The following HOXB3 variants were observed in gnomAD, a reference collection of about 807,000 sequenced individuals.
The protein encoded by HOXB3 is homeobox B3.
A neutral mutation model predicts 29.2 loss-of-function variants in HOXB3; 17 were observed. That is an observed-to-expected ratio of 0.58 (90% CI 0.40 to 0.87). The LOEUF (loss-of-function observed/expected upper bound fraction) is 0.87. HOXB3 is among the 40% of genes least tolerant of loss of function. The probability of loss-of-function intolerance (pLI) is 0.00; values close to 1 mark genes in which losing one functional copy is unlikely to be tolerated. For missense variants in HOXB3, 637 were observed against 616.3 expected (o/e 1.03, Z -0.35); for synonymous variants, 317 against 285.9 (o/e 1.11, Z -1.10).
chr17:48,582,275 C>CG (rs1422771322), intron 1 of HOXB3: 1 of 152,240 alleles, frequency 6.6e-6, no homozygotes, highest in East Asian at 1.9e-4. Flanking sequence ...AGAGGGGGCG[C>CG]GGGCGAGGGT....
rs558667421 is a variant in HOXB3, at chr17:48,587,256, C to T, written c.-425+2869G>A. Among the ~76,000 whole-genome samples the T allele has an allele frequency of 1.5e-4, 23 of 152,190 alleles. No homozygotes were observed. The South Asian group carries it at 4.6e-3, about 30-fold the overall frequency. The stretch of plus-strand genomic sequence containing the variant: ...CTCCCCAAACAGCTCCGTTTCCAGG[C>T]GGTGTTAATTAATATGGATGTGTAA... On this transcript the variant is annotated intron_variant, in intron 1 of 4. Transcript: ENST00000498678.
chr17:48,552,038 G>T lies in HOXB3; in HGVS notation c.437C>A (p.Ser146Tyr). ...CAGAGAACTGGTACCTGTGCCGGGG[G>T]AGTTGTTTTTCAGCTTGGACGTTTG... Reference protein sequence around the residue: ...SRQTSKLKNNSPGTAEGCGGG... With the variant: ...SRQTSKLKNNYPGTAEGCGGG... The change falls in exon 4 of 5, where the codon TCC becomes TAC. Residue 146 changes from serine to tyrosine, a missense_variant. Physicochemically the swap from Ser to Tyr is moderately radical, Grantham distance 144. Transcript: ENST00000498678. 1 of 1,577,270 alleles carries T rather than the reference G, an allele frequency of 6.3e-7. No homozygotes were observed. The highest frequency in any genetic ancestry group is 8.6e-7 in the Non-Finnish European group (1 of 1,157,484).
chr17:48,577,053 A>C (rs1248972379), intron 1 of HOXB3: 2 of 1,528,712 alleles, frequency 1.3e-6, no homozygotes, highest in Non-Finnish European at 1.8e-6. Context: ...AGAAAGAGAA[A>C]GTTTTATTGC....
At chr17:48,567,318 C>G (rs753628063) in intron 2 of HOXB3, among the ~76,000 whole-genome samples, 2 of 152,216 alleles carry the variant, frequency 1.3e-5, no homozygotes, top group Admixed American at 6.5e-5. Flanking sequence ...CTGGGCGCGG[C>G]GTTGCTCTAA....
chr17:48,574,436 CT>C (rs2069694388), intron 1 of HOXB3: 1 of 152,450 alleles, frequency 6.6e-6, no homozygotes, highest in Non-Finnish European at 1.5e-5. Context: ...TCGGTTCCCC[CT>C]GCCCTACCCA....
chr17:48,569,671 T>G (rs933533962), intron 2 of HOXB3, among the ~76,000 whole-genome samples: 1 of 152,230 alleles, frequency 6.6e-6, no homozygotes, highest in Admixed American at 6.5e-5. Context: ...TCCTAAATAA[T>G]GGACAAAATT....
At chr17:48,568,766 A>AAG (rs545647756) in intron 2 of HOXB3, among the ~76,000 whole-genome samples, 9 of 151,842 alleles carry the variant, frequency 5.9e-5, no homozygotes, top group Admixed American at 2.6e-4. Flanking sequence ...GGGAGGGAGA[A>AAG]AGAGAGAGAG....
chr17:48,583,548 C>G (rs2069990464), intron 1 of HOXB3, among the ~76,000 whole-genome samples: 1 of 152,154 alleles, frequency 6.6e-6, no homozygotes, highest in African/African-American at 2.4e-5. Flanking sequence ...AGGGCTCCAG[C>G]CTAGTTGGTA....
At chr17:48,570,115 G>A (rs2069535210) in intron 2 of HOXB3, among the ~76,000 whole-genome samples, 1 of 152,096 alleles carries the variant, frequency 6.6e-6, no homozygotes, top group Admixed American at 6.5e-5. Context: ...GGCAGCCCCA[G>A]GATCCCTATT....
chr17:48,556,744 T>A (rs562641328), intron 2 of HOXB3: 2 of 152,262 alleles, frequency 1.3e-5, no homozygotes, highest in East Asian at 3.9e-4. Context: ...TGAAAGAACT[T>A]CATGGATAAG....
chr17:48,578,345 T>G, intron 1 of HOXB3: 1 of 1,597,052 alleles, frequency 6.3e-7, no homozygotes, highest in Non-Finnish European at 8.5e-7. Flanking sequence ...GCCCACAAAA[T>G]ATACTAAAAT....
intron 1 of HOXB3, among the ~76,000 whole-genome samples, chr17:48,586,326 G>C (rs556544101): frequency 6.6e-6 from 1 of 152,182 alleles, no homozygotes; most frequent in Non-Finnish European, 1.5e-5. Flanking sequence ...TACTCTCCAG[G>C]CTCCCAAATT....
chr17:48,552,617 G>T lies in HOXB3; in HGVS notation c.-143C>A. On this transcript the variant is annotated 5_prime_UTR_variant, in exon 4 of 5. Transcript: ENST00000498678. ...TCTCTGCCCCCCTCCTCCGGGGTCTGTTCCAAGCGGCTGACCTGCGAGGCG... is the reference window on the plus strand; with the variant it reads ...TCTCTGCCCCCCTCCTCCGGGGTCTTTTCCAAGCGGCTGACCTGCGAGGCG... 1 of 624,434 alleles carries T rather than the reference G, an allele frequency of 1.6e-6. No individual in the cohort carries two copies. The highest frequency in any genetic ancestry group is 2.2e-5 in the African/African-American group (1 of 45,944). 38.7% of individuals were successfully genotyped at this position (624,434 alleles called of 1,614,324 possible). A position where few individuals can be genotyped will look rare whatever the true frequency, so the allele number is the denominator to read the frequency against.
At chr17:48,571,930 G>T (rs765357148) in intron 2 of HOXB3, among the ~76,000 whole-genome samples, 62 of 152,292 alleles carry the variant, frequency 4.1e-4, no homozygotes, top group Admixed American at 1.1e-3. Flanking sequence ...TCCCAGCAAG[G>T]TTCTGTCTCT....
chr17:48,588,671 C>T (rs545335334), intron 1 of HOXB3, among the ~76,000 whole-genome samples: 2 of 152,310 alleles, frequency 1.3e-5, no homozygotes, highest in South Asian at 4.1e-4. Context: ...TGGGAGATGA[C>T]CTGTGTCTCC....
At chr17:48,555,794 G>T (rs948744611) in intron 2 of HOXB3, among the ~76,000 whole-genome samples, 176 bp from the exon 3 acceptor site, 2 of 152,064 alleles carry the variant, frequency 1.3e-5, no homozygotes, top group Admixed American at 1.3e-4. Context: ...CAGGAGGGAG[G>T]GGGTGGGGGA....
intron 2 of HOXB3, among the ~76,000 whole-genome samples, chr17:48,572,762 G>A (rs774967424): frequency 8.5e-5 from 13 of 152,144 alleles, no homozygotes; most frequent in Non-Finnish European, 1.3e-4. Context: ...TAGCAAAGAT[G>A]GGTTTGGGGC....
rs2068786395 is a variant in HOXB3 at position 48,552,320 on chromosome 17, C to T, written c.155G>A (p.Cys52Tyr). The change falls in exon 4 of 5, where the codon TGC becomes TAC. Residue 52 changes from cysteine to tyrosine, a missense_variant. Cys to Tyr is a radical substitution (Grantham distance 194, BLOSUM62 -2). Transcript: ENST00000498678. ...HLEGDYQRSA[C>Y]SLQSLGNAAP... Reference sequence around the variant, plus strand: ...AGCGTTGCCCAGGGACTGCAGCGAGCAAGCTGAGCGCTGGTAGTCGCCCTC... The same window carrying T: ...AGCGTTGCCCAGGGACTGCAGCGAGTAAGCTGAGCGCTGGTAGTCGCCCTC... 3.1e-6 allele frequency: 5 copies of T among 1,614,078 alleles called. No homozygotes were observed. The highest frequency in any genetic ancestry group is 4.2e-6 in the Non-Finnish European group (5 of 1,180,000).
At chr17:48,562,891 C>A (rs905874351) in intron 2 of HOXB3, among the ~76,000 whole-genome samples, 62 of 152,310 alleles carry the variant, frequency 4.1e-4, no homozygotes, top group African/African-American at 1.4e-3. Flanking sequence ...ATGTTTTTCT[C>A]CCCACCGCCA....
Sources: allele counts gnomAD v4.1 joint callset (sites outside exome capture counted in the v4.1 genomes callset), GRCh38; gene constraint gnomAD v4.1.1; transcripts MANE v1.5; gene names NCBI Gene and HGNC (gene_info 2026-07-23, HGNC 2026-07-21).